HPSE2: variants seen among roughly 807,000 people sequenced by gnomAD.
HPSE2 encodes the protein inactive heparanase-2.
A neutral mutation model predicts 60.5 loss-of-function variants in HPSE2; 38 were observed. The ratio of observed to expected loss-of-function variants is 0.63; its 90% CI spans 0.48 to 0.82. HPSE2 has a LOEUF of 0.82. HPSE2 is among the 40% of genes least tolerant of loss of function. The probability of loss-of-function intolerance (pLI) is 0.00; values close to 1 mark genes in which losing one functional copy is unlikely to be tolerated. For missense variants in HPSE2, 713 were observed against 740.4 expected, an observed-to-expected ratio of 0.96 and a Z score of 0.43; for synonymous variants, 295 against 293.2, an observed-to-expected ratio of 1.01 and a Z score of -0.06.
At chr10:98,537,537 A>AATAT (rs1290267833) in intron 9 of HPSE2, among the ~76,000 whole-genome samples, 8 of 152,208 alleles carry the variant, frequency 5.3e-5, no homozygotes, top group Non-Finnish European at 8.8e-5. Flanking sequence ...TTGCATTACT[A>AATAT]ATATAACCTA....
chr10:98,589,851 C>T (rs528540425), intron 9 of HPSE2, among the ~76,000 whole-genome samples: 19 of 152,190 alleles, frequency 1.2e-4, no homozygotes, highest in Non-Finnish European at 2.5e-4. Context: ...TCTTTTCATT[C>T]CCTTGAATCC....
chr10:98,627,008 C>T (rs574548757), intron 7 of HPSE2, among the ~76,000 whole-genome samples: 4 of 152,204 alleles, frequency 2.6e-5, no homozygotes, highest in African/African-American at 4.8e-5. Context: ...CTCCTGACGT[C>T]GTGATCCGCC....
chr10:99,258,693 C>G, the HPSE2 span, among the ~76,000 whole-genome samples: 1 of 152,150 alleles, frequency 6.6e-6, no homozygotes, highest in Non-Finnish European at 1.5e-5. Flanking sequence ...ATCAGTAGAG[C>G]AGAATAGAGT....
chr10:99,181,730 G>T (rs572635070), intron 2 of HPSE2, among the ~76,000 whole-genome samples: 1 of 152,252 alleles, frequency 6.6e-6, no homozygotes, highest in African/African-American at 2.4e-5. Context: ...GGACCTGTGG[G>T]GGTGGGGAGC....
chr10:99,108,259 C>T (rs1844324203), intron 3 of HPSE2, among the ~76,000 whole-genome samples: 1 of 152,026 alleles, frequency 6.6e-6, no homozygotes, highest in Non-Finnish European at 1.5e-5. Flanking sequence ...TGTTGAAAGC[C>T]TATTATACTC....
chr10:98,590,186 C>T lies in HPSE2; in HGVS notation c.1320+24718G>A, dbSNP rs180979294. On this transcript the variant is annotated intron_variant, in intron 9 of 11. Transcript: ENST00000370552. ...GCCCAGGCGTGGTGGCTCATGCCTGCAATCCCAGCACTTTGGGAGGCCGAG... is the reference window on the plus strand; with the variant it reads ...GCCCAGGCGTGGTGGCTCATGCCTGTAATCCCAGCACTTTGGGAGGCCGAG... Among the ~76,000 whole-genome samples the T allele has an allele frequency of 4.3e-3, 655 of 152,318 alleles. 3 individuals carry two copies. Among genetic ancestry groups the T allele is most frequent in the African/African-American group, 0.015 (632 of 41,572 alleles).
At chr10:98,852,213 A>G (rs952174051) in intron 3 of HPSE2, among the ~76,000 whole-genome samples, 7 of 148,624 alleles carry the variant, frequency 4.7e-5, no homozygotes, top group African/African-American at 1.5e-4. Context: ...TAACTCCCAT[A>G]GCCCTTATTA....
intron 9 of HPSE2, among the ~76,000 whole-genome samples, chr10:98,531,323 G>A (rs1368964745): frequency 6.6e-6 from 1 of 152,174 alleles, no homozygotes; most frequent in Non-Finnish European, 1.5e-5. Context: ...TTGGAGAACA[G>A]AAACGGCTAA....
the HPSE2 span, among the ~76,000 whole-genome samples, chr10:99,274,292 A>G: frequency 2.0e-5 from 3 of 152,222 alleles, no homozygotes; most frequent in Non-Finnish European, 4.4e-5. Context: ...GGTTGCAGTG[A>G]GCAAAGGATC....
chr10:98,662,987 A>C (rs973712775), intron 6 of HPSE2, among the ~76,000 whole-genome samples: 10 of 152,218 alleles, frequency 6.6e-5, no homozygotes, highest in Admixed American at 2.6e-4. Flanking sequence ...ACATGATAGG[A>C]CCACAAGAGT....
chr10:99,261,685 C>G, the HPSE2 span, among the ~76,000 whole-genome samples: 1 of 152,138 alleles, frequency 6.6e-6, no homozygotes, highest in African/African-American at 2.4e-5. Context: ...CCCTCAAACC[C>G]CACAACAGGA....
chr10:98,558,208 G>A (rs1208703756), intron 9 of HPSE2, among the ~76,000 whole-genome samples: 2 of 152,120 alleles, frequency 1.3e-5, no homozygotes, highest in African/African-American at 2.4e-5. Flanking sequence ...CACCTTGGCA[G>A]TATCTATTAA....
chr10:98,621,697 G>T (rs1407896192), intron 7 of HPSE2, among the ~76,000 whole-genome samples: 2 of 152,244 alleles, frequency 1.3e-5, no homozygotes, highest in African/African-American at 4.8e-5. Context: ...GGGGATACAA[G>T]GGAAAGCATG....
intron 3 of HPSE2, among the ~76,000 whole-genome samples, chr10:99,044,944 C>T (rs1190021168): frequency 6.6e-6 from 1 of 152,036 alleles, no homozygotes; most frequent in African/African-American, 2.4e-5. Context: ...TCACTGATAG[C>T]ATTAGACAGA....
intron 2 of HPSE2, among the ~76,000 whole-genome samples, chr10:99,184,819 T>TATATATATAGAGAGAGAG (rs1554912295): frequency 1.0e-4 from 2 of 19,858 alleles, no homozygotes; most frequent in Non-Finnish European, 9.9e-5. Flanking sequence ...TATATATATA[T>TATATATATAGAGAGAGAG]AGAGAGAGAG....
intron 2 of HPSE2, among the ~76,000 whole-genome samples, chr10:99,167,420 ATTGT>A (rs1450083640): frequency 2.6e-5 from 4 of 152,122 alleles, no homozygotes; most frequent in Non-Finnish European, 5.9e-5. Flanking sequence ...TAGGTATATG[ATTGT>A]TTTAGTTATT....
At chr10:98,645,704 C>T (rs561359489) in intron 6 of HPSE2, among the ~76,000 whole-genome samples, 15 of 152,218 alleles carry the variant, frequency 9.9e-5, no homozygotes, top group East Asian at 7.7e-4. Context: ...TATGGCCAGG[C>T]GTGGTGGCTC....
At chr10:99,051,587 TAATCTAAGTATAA>T (rs1467181465) in intron 3 of HPSE2, among the ~76,000 whole-genome samples, 1 of 152,172 alleles carries the variant, frequency 6.6e-6, no homozygotes, top group African/African-American at 2.4e-5. Flanking sequence ...CATACAGTTG[TAATCTAAGTATAA>T]AATCTAAGTA....
intron 11 of HPSE2, among the ~76,000 whole-genome samples, chr10:98,468,031 C>T (rs1940621117): frequency 6.6e-6 from 1 of 152,236 alleles, no homozygotes; most frequent in African/African-American, 2.4e-5. Flanking sequence ...GGGTCGGCCC[C>T]GCACCTGTTT....
Sources: allele counts gnomAD v4.1 joint callset (sites outside exome capture counted in the v4.1 genomes callset), GRCh38; gene constraint gnomAD v4.1.1; transcripts MANE v1.5; gene names NCBI Gene and HGNC (gene_info 2026-07-23, HGNC 2026-07-21).